The following MAB21L3 variants were observed in gnomAD, a reference collection of about 807,000 sequenced individuals.
The protein encoded by MAB21L3 is protein mab-21-like 3.
MAB21L3 carries 36 observed loss-of-function variants against 37.7 expected under a neutral mutation model. The ratio of observed to expected loss-of-function variants is 0.96; its 90% CI spans 0.73 to 1.26. The LOEUF is 1.26. MAB21L3 is among the 50% of genes most tolerant of loss of function. The pLI is 0.00. For synonymous variants in MAB21L3, 186 were observed against 176.8 expected (o/e 1.05, Z -0.41); for missense variants, 430 against 447.3 (o/e 0.96, Z 0.35).
rs1354315376 is a variant in MAB21L3 at position 116,136,654 on chromosome 1, C to A, written c.*3289C>A. Among the ~76,000 whole-genome samples, 1 of 152,128 alleles carries A rather than the reference C, an allele frequency of 6.6e-6. No homozygotes were observed. The highest frequency in any genetic ancestry group is 1.5e-5 in the Non-Finnish European group (1 of 68,048). ...AAGTTCATATGGAACCAAAAAAGAG[C>A]CTGCATTGCCAAGTCAATTCTAAGC... On this transcript the variant is annotated 3_prime_UTR_variant, in exon 8 of 8. Transcript: ENST00000369500.
intron 5 of MAB21L3, among the ~76,000 whole-genome samples, chr1:116,125,944 G>T (rs1443224057): frequency 6.6e-6 from 1 of 152,350 alleles, no homozygotes; most frequent in South Asian, 2.1e-4. Context: ...ATTATTCATG[G>T]TGAAAGTGCA....
At chr1:116,121,787 A>G (rs770004525) in intron 4 of MAB21L3, among the ~76,000 whole-genome samples, 2 of 152,238 alleles carry the variant, frequency 1.3e-5, no homozygotes, top group African/African-American at 2.4e-5. Context: ...GTGAGGGCAG[A>G]GCTGTACACA....
Position 116,137,499 on chromosome 1 carries a change from A to G in MAB21L3, c.*4134A>G, listed in dbSNP as rs1660220153. Among the ~76,000 whole-genome samples, 2 of 148,314 alleles carry G rather than the reference A, an allele frequency of 1.3e-5. No individual in the cohort carries two copies. The highest frequency in any genetic ancestry group is 3.0e-5 in the Non-Finnish European group (2 of 67,430). On this transcript the variant is annotated 3_prime_UTR_variant, in exon 8 of 8. Coordinates refer to ENST00000369500, the MANE Select transcript of MAB21L3 (RefSeq NM_152367.3). ...AACAGGTGCTGGAGAGGATGTGGAG[A>G]AATAGGAAAACTTTTACACTGTTGG...
intron 5 of MAB21L3, among the ~76,000 whole-genome samples, chr1:116,125,762 A>G (rs1659891329): frequency 6.6e-6 from 1 of 152,148 alleles, no homozygotes; most frequent in Non-Finnish European, 1.5e-5. Context: ...TACAGTAAGA[A>G]TTCTTTTCCT....
intron 5 of MAB21L3, among the ~76,000 whole-genome samples, chr1:116,126,842 A>G (rs1330812534): frequency 6.6e-6 from 1 of 152,214 alleles, no homozygotes; most frequent in African/African-American, 2.4e-5. Flanking sequence ...AAAGTGATAC[A>G]TGTTTAGTAG....
intron 3 of MAB21L3, among the ~76,000 whole-genome samples, chr1:116,117,734 C>T: frequency 6.6e-6 from 1 of 152,200 alleles, no homozygotes; most frequent in Non-Finnish European, 1.5e-5. Context: ...CCTGAAATCT[C>T]TTGCCTTCCA....
intron 4 of MAB21L3, among the ~76,000 whole-genome samples, chr1:116,123,259 G>A (rs1052666844): frequency 1.3e-5 from 2 of 152,162 alleles, no homozygotes; most frequent in Non-Finnish European, 2.9e-5. Flanking sequence ...CTGGAGAAAG[G>A]GGCTAGGTAA....
chr1:116,130,867 CTG>C (rs761426124), intron 7 of MAB21L3, among the ~76,000 whole-genome samples: 1 of 152,176 alleles, frequency 6.6e-6, no homozygotes, highest in South Asian at 2.1e-4. Flanking sequence ...AACATTTTTT[CTG>C]GTATCTAGGT....
At chr1:116,114,584 G>T (rs558154034) in intron 3 of MAB21L3, among the ~76,000 whole-genome samples, 1 of 152,324 alleles carries the variant, frequency 6.6e-6, no homozygotes, top group African/African-American at 2.4e-5. Flanking sequence ...CTAAGCACCT[G>T]CTTTGTGCAA....
At position 116,112,656 on chromosome 1, in the gene MAB21L3, T is replaced by C. The variant is rs771287724; in HGVS notation, c.41T>C (p.Leu14Pro). 10 of 1,613,640 alleles carry C rather than the reference T, an allele frequency of 6.2e-6. No individual in the cohort carries two copies. Among genetic ancestry groups the C allele is most frequent in the Admixed American group, 5.0e-5 (3 of 59,990 alleles). Residue 14 changes from leucine to proline, a missense_variant, in exon 3 of 8, where the codon CTG (leucine) becomes CCG (proline). By Grantham distance (98) the Leu-to-Pro change is moderately conservative. Coordinates refer to ENST00000369500, the MANE Select transcript of MAB21L3 (RefSeq NM_152367.3). ...GTGGGAGACTTAGAAGATTGCCTAC[T>C]GAATAAGGTAAGGACAGACCCGGTC... ...LTVGDLEDCL[L>P]NKVDLRRQQI... is the part of the protein sequence containing the mutation.
At chr1:116,111,989 G>C (rs1363579019) in intron 2 of MAB21L3, among the ~76,000 whole-genome samples, 179 bp downstream of exon 2, 1 of 152,088 alleles carries the variant, frequency 6.6e-6, no homozygotes, top group Non-Finnish European at 1.5e-5. Flanking sequence ...TGTGCTCTGC[G>C]CTGGCTGACA....
intron 7 of MAB21L3, among the ~76,000 whole-genome samples, chr1:116,131,035 T>C (rs1045654942): frequency 3.3e-5 from 5 of 152,244 alleles, no homozygotes; most frequent in Non-Finnish European, 5.9e-5. Flanking sequence ...AATTCATTAA[T>C]TCACTTATTC....
intron 3 of MAB21L3, among the ~76,000 whole-genome samples, chr1:116,119,779 G>A (rs1659691378): frequency 6.6e-6 from 1 of 152,052 alleles, no homozygotes; most frequent in Non-Finnish European, 1.5e-5. Context: ...GTCTCTTCTG[G>A]AGTTTACTAA....
At chr1:116,129,484 T>A (rs1660010752) in intron 7 of MAB21L3, among the ~76,000 whole-genome samples, 1 of 152,166 alleles carries the variant, frequency 6.6e-6, no homozygotes, top group African/African-American at 2.4e-5. Context: ...TAAGCACAAG[T>A]CCCTGGGGCA....
In MAB21L3 at chr1:116,133,212, G is replaced by A. The variant is rs1317091230; in HGVS notation, c.936G>A (p.Val312=). ...QVFSKAFLRL[V]RKLHKCVSQH... ...TCAGCAAAGCATTTCTGCGCCTGGT[G>A]AGGAAACTGCACAAGTGCGTGAGCC... The change falls in exon 8 of 8, where the codon GTG becomes GTA. Residue 312 remains valine, a synonymous_variant. Transcript: ENST00000369500. 1 of 1,614,182 alleles carries A rather than the reference G, an allele frequency of 6.2e-7. No individual in the cohort carries two copies. Among genetic ancestry groups the A allele is most frequent in the South Asian group, 1.1e-5 (1 of 91,076 alleles).
chr1:116,122,034 C>T (rs1424668872), intron 4 of MAB21L3, among the ~76,000 whole-genome samples: 2 of 152,150 alleles, frequency 1.3e-5, no homozygotes, highest in African/African-American at 2.4e-5. Context: ...GTTTACTATT[C>T]GTTTTGTTCC....
chr1:116,128,431 A>T, intron 7 of MAB21L3, 92 bp downstream of exon 7: 1 of 1,256,060 alleles, frequency 8.0e-7, no homozygotes, highest in Non-Finnish European at 1.1e-6. Flanking sequence ...AGAGCCACTC[A>T]GAAGGGGTAG....
At chr1:116,131,293 A>G (rs1660059931) in intron 7 of MAB21L3, among the ~76,000 whole-genome samples, 3 of 152,200 alleles carry the variant, frequency 2.0e-5, no homozygotes, top group Admixed American at 2.0e-4. Flanking sequence ...AAAGAAGGGA[A>G]AGAAGTGTGC....
At chr1:116,112,959 T>G (rs1328309327) in intron 3 of MAB21L3, among the ~76,000 whole-genome samples, 1 of 152,166 alleles carries the variant, frequency 6.6e-6, no homozygotes, top group Non-Finnish European at 1.5e-5. Flanking sequence ...TGTGAGTCAC[T>G]TAACCTGCCT....
Sources: gnomAD v4.1 joint callset for allele counts (sites outside exome capture counted in the v4.1 genomes callset) on GRCh38, gnomAD v4.1.1 for gene constraint, MANE v1.5 for transcripts, NCBI Gene and HGNC (gene_info 2026-07-23, HGNC 2026-07-21) for gene names.